The following CNTLN variants were observed in gnomAD, a reference collection of about 807,000 sequenced individuals.
The protein encoded by CNTLN is centlein, centrosomal protein.
In CNTLN, 212 loss-of-function variants were observed where a neutral mutation model predicts 180.0. That is an observed-to-expected ratio of 1.18 (90% CI 1.05 to 1.32). The LOEUF is 1.32. CNTLN is among the 40% of genes most tolerant of loss of function. CNTLN has a pLI of 0.00. For missense variants in CNTLN, 2,095 were observed against 1,610.9 expected (o/e 1.30, Z -5.14); for synonymous variants, 722 against 563.1 (o/e 1.28, Z -3.99).
At chr9:17,450,230 G>T (rs554848766) in intron 18 of CNTLN, among the ~76,000 whole-genome samples, 1 of 152,148 alleles carries the variant, frequency 6.6e-6, no homozygotes, top group Non-Finnish European at 1.5e-5. Flanking sequence ...TAACAAAGTA[G>T]CACCTTAAGT....
Position 17,370,433 on chromosome 9 carries a change from C to T in CNTLN, c.1987+3716C>T, listed in dbSNP as rs113463894. ...AAAGTGCTGAAGGAAAAAACAACAA[C>T]AGACTTTTGCCCTGGAATAATATAT... On this transcript the variant is annotated intron_variant, in intron 13 of 25. Transcript: ENST00000380647. 6.6e-5 allele frequency among the ~76,000 whole-genome samples: 10 copies of T among 152,076 alleles called. 1 individual carries two copies. The highest frequency in any genetic ancestry group is 2.4e-4 in the African/African-American group (10 of 41,386).
At chr9:17,346,095 C>A (rs540193801) in intron 12 of CNTLN, among the ~76,000 whole-genome samples, 1 of 152,108 alleles carries the variant, frequency 6.6e-6, no homozygotes, top group African/African-American at 2.4e-5. Context: ...CAGTTCCACA[C>A]GGCTGGGGAG....
At chr9:17,387,346 A>C (rs1303643557) in intron 13 of CNTLN, among the ~76,000 whole-genome samples, 1 of 152,136 alleles carries the variant, frequency 6.6e-6, no homozygotes, top group Non-Finnish European at 1.5e-5. Flanking sequence ...ATTCCTTAAG[A>C]AATGTTATAT....
chr9:17,400,891 C>CT (rs1487818973), intron 15 of CNTLN, among the ~76,000 whole-genome samples: 2 of 152,064 alleles, frequency 1.3e-5, no homozygotes, highest in Non-Finnish European at 2.9e-5. Context: ...GAGTACAGGT[C>CT]TTTTTTAGGC....
At chr9:17,472,685 TG>T (rs1465654242) in intron 23 of CNTLN, among the ~76,000 whole-genome samples, 1 of 152,072 alleles carries the variant, frequency 6.6e-6, no homozygotes, top group Non-Finnish European at 1.5e-5. Flanking sequence ...AGTTCTGCAT[TG>T]GGAAGAAAAA....
At chr9:17,523,806 G>A in the CNTLN span, among the ~76,000 whole-genome samples, 2 of 152,114 alleles carry the variant, frequency 1.3e-5, no homozygotes, top group Non-Finnish European at 2.9e-5. Context: ...GAGGGACCCC[G>A]TAAAGAAGCT....
At chr9:17,415,354 A>G (rs1828145744) in intron 16 of CNTLN, among the ~76,000 whole-genome samples, 1 of 152,164 alleles carries the variant, frequency 6.6e-6, no homozygotes. Context: ...TTTTCAGAGA[A>G]TAAGTTATTA....
chr9:17,376,535 TC>T (rs1260383574), intron 13 of CNTLN, among the ~76,000 whole-genome samples: 1 of 151,982 alleles, frequency 6.6e-6, no homozygotes, highest in Non-Finnish European at 1.5e-5. Context: ...CACTGCAAGC[TC>T]CGCCTCCCGG....
intron 5 of CNTLN, among the ~76,000 whole-genome samples, chr9:17,260,379 G>T (rs1478106287): frequency 6.6e-6 from 1 of 151,302 alleles, no homozygotes; most frequent in Non-Finnish European, 1.5e-5. Context: ...ATTTGCTGAG[G>T]AGAGCTTTAC....
chr9:17,150,717 T>C (rs1240450594), intron 2 of CNTLN, among the ~76,000 whole-genome samples: 1 of 152,214 alleles, frequency 6.6e-6, no homozygotes, highest in Non-Finnish European at 1.5e-5. Context: ...GGGGACAGCA[T>C]TGAATCTATA....
chr9:17,342,111 G>A (rs888118000), intron 11 of CNTLN, among the ~76,000 whole-genome samples: 2 of 152,070 alleles, frequency 1.3e-5, no homozygotes, highest in African/African-American at 4.8e-5. Context: ...CTGCTTAAAA[G>A]TTTGCTTTCC....
intron 7 of CNTLN, chr9:17,299,827 T>G (rs1207202394): frequency 8.1e-6 from 8 of 983,468 alleles, no homozygotes; most frequent in African/African-American, 7.0e-5. Flanking sequence ...TTGGAACATT[T>G]TTTTTCTGTT....
intron 2 of CNTLN, among the ~76,000 whole-genome samples, chr9:17,157,873 G>A (rs1365515483): frequency 6.6e-6 from 1 of 152,216 alleles, no homozygotes; most frequent in Non-Finnish European, 1.5e-5. Context: ...CACATGGGTA[G>A]CTGAGATAGT....
At chr9:17,360,155 T>C (rs1284831393) in intron 12 of CNTLN, among the ~76,000 whole-genome samples, 4 of 152,348 alleles carry the variant, frequency 2.6e-5, no homozygotes, top group Middle Eastern at 3.4e-3. Flanking sequence ...AAGTTCAAAA[T>C]AATTCCTAGT....
intron 13 of CNTLN, among the ~76,000 whole-genome samples, chr9:17,381,867 A>G (rs1181326500): frequency 6.6e-6 from 1 of 152,132 alleles, no homozygotes; most frequent in Non-Finnish European, 1.5e-5. Context: ...CTACCTGAAC[A>G]TGTTCTTTTC....
At chr9:17,409,870 C>T (rs1827706343) in intron 16 of CNTLN, among the ~76,000 whole-genome samples, 1 of 152,014 alleles carries the variant, frequency 6.6e-6, no homozygotes, top group East Asian at 1.9e-4. Flanking sequence ...ATGTATTTTA[C>T]ATTTTGAAAA....
intron 25 of CNTLN, among the ~76,000 whole-genome samples, 157 bp from the exon 26 acceptor site, chr9:17,502,394 C>G (rs1833796439): frequency 6.6e-6 from 1 of 152,186 alleles, no homozygotes; most frequent in Non-Finnish European, 1.5e-5. Context: ...ATTACCCACA[C>G]TAACCAGCAA....
Position 17,388,151 on chromosome 9 carries a change from T to G in CNTLN, c.1988-11T>G. The G allele has an allele frequency of 1.3e-6, 2 of 1,566,016 alleles. No homozygotes were observed. The highest frequency in any genetic ancestry group is 3.4e-4 in the Middle Eastern group (2 of 5,954). On this transcript the variant is annotated splice_polypyrimidine_tract_variant and intron_variant, in intron 13 of 25. Transcript: ENST00000380647. ...ACGTGGTATCATAATATATTATTTA[T>G]TCTCTACCAGAACAGCTCTTTAGAT...
At chr9:17,292,586 C>T (rs188504530) in intron 6 of CNTLN, among the ~76,000 whole-genome samples, 9 of 152,154 alleles carry the variant, frequency 5.9e-5, no homozygotes, top group Admixed American at 1.3e-4. Context: ...TCTGCTTGGT[C>T]AGTTTGGCTG....
Sources: gnomAD v4.1 joint callset for allele counts (sites outside exome capture counted in the v4.1 genomes callset) on GRCh38, gnomAD v4.1.1 for gene constraint, MANE v1.5 for transcripts, NCBI Gene and HGNC (gene_info 2026-07-23, HGNC 2026-07-21) for gene names.